MMS22L: variants seen among roughly 807,000 people sequenced by gnomAD.
MMS22L encodes MMS22 like, DNA repair protein.
Under a neutral mutation model 159.1 loss-of-function variants are expected in MMS22L, and 74 were observed. That is an observed-to-expected ratio of 0.47 (90% CI 0.39 to 0.56). The LOEUF is 0.56. MMS22L is among the 20% of genes least tolerant of loss of function. MMS22L has a pLI of 0.00. For missense variants in MMS22L, 1,351 were observed against 1,422.1 expected (o/e 0.95, Z 0.80); for synonymous variants, 517 against 506.9 (o/e 1.02, Z -0.27).
intron 9 of MMS22L, chr6:97,259,623 C>T (rs566235271): frequency 6.6e-6 from 1 of 152,142 alleles, no homozygotes; most frequent in South Asian, 2.1e-4. Flanking sequence ...TCCTCTGGGT[C>T]TTCAGCTTGC....
At position 97,272,955 on chromosome 6, in the gene MMS22L, A is replaced by G. The variant is rs1815897133; in HGVS notation, c.428+20T>C. ...CACAGAAATTCATGCAGTGATCAAA[A>G]TACTCATCTGATATCCTACCTGAAG... On this transcript the variant is annotated intron_variant, in intron 5 of 24. Coordinates refer to ENST00000683635, the MANE Select transcript of MMS22L (RefSeq NM_001350599.2). 6.2e-7 allele frequency: 1 copy of G among 1,608,510 alleles called. No individual in the cohort carries two copies. Among genetic ancestry groups the G allele is most frequent in the African/African-American group, 1.3e-5 (1 of 74,684 alleles).
Position 97,273,057 on chromosome 6 carries a change from C to G in MMS22L, c.346G>C (p.Val116Leu). 4 of 1,602,718 alleles carry G rather than the reference C, an allele frequency of 2.5e-6. No homozygotes were observed. The highest frequency in any genetic ancestry group is 3.4e-6 in the Non-Finnish European group (4 of 1,177,156). ...LLQSSCDFGK[V>L]STLHCKADNI... The stretch of plus-strand genomic sequence containing the variant: ...TCTGCTTTGCAGTGTAGAGTTGATA[C>G]CTTCCCTGAAACCAAAATAGACAAT... The change falls in exon 5 of 25, where the codon GTA becomes CTA. Residue 116 changes from valine to leucine, a missense_variant. Val to Leu is a conservative substitution (Grantham distance 32). Transcript: ENST00000683635.
intron 23 of MMS22L, among the ~76,000 whole-genome samples, chr6:97,150,430 A>G (rs1801205433): frequency 6.6e-6 from 1 of 152,128 alleles, no homozygotes; most frequent in African/African-American, 2.4e-5. Flanking sequence ...GTCAAACAAT[A>G]TTTTTATGAG....
At chr6:97,250,961 C>A (rs1351875088) in intron 10 of MMS22L, among the ~76,000 whole-genome samples, 1 of 151,214 alleles carries the variant, frequency 6.6e-6, no homozygotes, top group Non-Finnish European at 1.5e-5. Flanking sequence ...GTTAATATAT[C>A]ATAAGGAGAA....
At chr6:97,155,271 C>A (rs1224725727) in intron 22 of MMS22L, among the ~76,000 whole-genome samples, 1 of 152,052 alleles carries the variant, frequency 6.6e-6, no homozygotes, top group East Asian at 1.9e-4. Context: ...TTACTGTTTT[C>A]TTACTACATT....
At chr6:97,180,846 A>G (rs1478489406) in intron 16 of MMS22L, among the ~76,000 whole-genome samples, 1 of 152,230 alleles carries the variant, frequency 6.6e-6, no homozygotes, top group Non-Finnish European at 1.5e-5. Flanking sequence ...GAAAAAATGT[A>G]TACTTAATGA....
rs1807726850 is a variant in MMS22L at position 97,205,828 on chromosome 6, C to T, written c.2040-19138G>A. Among the ~76,000 whole-genome samples, 4 of 152,096 alleles carry T rather than the reference C, an allele frequency of 2.6e-5. No individual in the cohort carries two copies. The South Asian group carries it at 6.2e-4, about 24-fold the overall frequency. On this transcript the variant is annotated intron_variant, in intron 14 of 24. Coordinates refer to ENST00000683635, the MANE Select transcript of MMS22L (RefSeq NM_001350599.2). ...CCTTCCCTCCAATCCCTTCTTCAGA[C>T]ATAAAATGGTCCCATTTAAGATAAT...
chr6:97,216,419 T>C (rs1441696615), intron 14 of MMS22L, among the ~76,000 whole-genome samples: 1 of 152,132 alleles, frequency 6.6e-6, no homozygotes, highest in Non-Finnish European at 1.5e-5. Context: ...TTATTGAATG[T>C]AAATGCTGAA....
intron 14 of MMS22L, among the ~76,000 whole-genome samples, chr6:97,206,511 TAAAAC>T (rs1807803941): frequency 6.6e-6 from 1 of 152,054 alleles, no homozygotes; most frequent in Non-Finnish European, 1.5e-5. Context: ...AACTATATAA[TAAAAC>T]AAAATTCTGT....
At chr6:97,256,092 T>C (rs1582811360) in intron 9 of MMS22L, among the ~76,000 whole-genome samples, 1 of 152,144 alleles carries the variant, frequency 6.6e-6, no homozygotes, top group Non-Finnish European at 1.5e-5. Context: ...TCTTATTCCA[T>C]ATTTCTATTT....
chr6:97,177,249 A>G (rs1804220811), intron 18 of MMS22L, among the ~76,000 whole-genome samples: 1 of 152,192 alleles, frequency 6.6e-6, no homozygotes, highest in African/African-American at 2.4e-5. Flanking sequence ...TCACAGGATA[A>G]AATCCAAACT....
intron 16 of MMS22L, among the ~76,000 whole-genome samples, chr6:97,181,587 A>G (rs1316900032): frequency 6.6e-6 from 1 of 152,196 alleles, no homozygotes; most frequent in Non-Finnish European, 1.5e-5. Context: ...AGATTCAGTA[A>G]TAATAAATGT....
chr6:97,188,817 C>T (rs573153060), intron 14 of MMS22L, among the ~76,000 whole-genome samples: 2 of 152,078 alleles, frequency 1.3e-5, no homozygotes, highest in Non-Finnish European at 2.9e-5. Context: ...AAAAAATTAG[C>T]CGGGCATGAT....
intron 22 of MMS22L, 134 bp downstream of exon 22, chr6:97,161,861 GTTTATTC>G: frequency 1.3e-6 from 1 of 776,954 alleles, no homozygotes; most frequent in Admixed American, 3.4e-5. Flanking sequence ...GCTAGCTGGA[GTTTATTC>G]TTTAACCATG....
chr6:97,161,272 G>A (rs1012882600), intron 22 of MMS22L, among the ~76,000 whole-genome samples: 2 of 152,014 alleles, frequency 1.3e-5, no homozygotes, highest in African/African-American at 4.8e-5. Context: ...AATGGTTTTG[G>A]CAGGACTCTC....
rs774579957 is a variant in MMS22L, at chr6:97,151,907, T to C, written c.3386-40A>G. ...TACAGCATTAGGCACTGTGTCTGAA[T>C]TGACCATCTGGATCCTCATTTTTAT... On this transcript the variant is annotated intron_variant, in intron 22 of 24. Coordinates refer to ENST00000683635, the MANE Select transcript of MMS22L (RefSeq NM_001350599.2). 4 of 1,492,350 alleles carry C rather than the reference T, an allele frequency of 2.7e-6. No individual in the cohort carries two copies. The Admixed American group carries it at 5.1e-5, about 19-fold the overall frequency. 92.4% of individuals were successfully genotyped at this position (1,492,350 alleles called of 1,614,324 possible). A position where few individuals can be genotyped will look rare whatever the true frequency, so the allele number is the denominator to read the frequency against.
chr6:97,166,526 C>G (rs1802974269), intron 20 of MMS22L, among the ~76,000 whole-genome samples: 1 of 152,082 alleles, frequency 6.6e-6, no homozygotes, highest in Non-Finnish European at 1.5e-5. Context: ...ACCCCTCCCC[C>G]AACCCACCCG....
At chr6:97,214,172 G>T (rs1327087141) in intron 14 of MMS22L, among the ~76,000 whole-genome samples, 1 of 152,016 alleles carries the variant, frequency 6.6e-6, no homozygotes, top group African/African-American at 2.4e-5. Flanking sequence ...TGCTGTGAAT[G>T]GTACCCTTGA....
At chr6:97,147,305 A>G (rs149028239) in intron 24 of MMS22L, among the ~76,000 whole-genome samples, 1 of 152,330 alleles carries the variant, frequency 6.6e-6, no homozygotes, top group East Asian at 1.9e-4. Flanking sequence ...ATTTCAGTAT[A>G]TATCCCATTT....
Sources: gnomAD v4.1 joint callset for allele counts (sites outside exome capture counted in the v4.1 genomes callset) on GRCh38, gnomAD v4.1.1 for gene constraint, MANE v1.5 for transcripts, NCBI Gene and HGNC (gene_info 2026-07-23, HGNC 2026-07-21) for gene names.